STX8: variants seen among roughly 807,000 people sequenced by gnomAD.
STX8 encodes the protein syntaxin 8, also known as syntaxin-8.
In STX8, 23 loss-of-function variants were observed where a neutral mutation model predicts 37.5. The ratio of observed to expected loss-of-function variants is 0.61; its 90% CI spans 0.44 to 0.87. STX8 has a LOEUF of 0.87. Ranked by LOEUF, STX8 falls within the 40% of genes least tolerant of loss-of-function variation. The pLI, the probability that STX8 is intolerant of heterozygous loss-of-function variation, is 0.00. For synonymous variants in STX8, 115 were observed against 99.1 expected (o/e 1.16, Z -0.95); for missense variants, 313 against 284.7 (o/e 1.10, Z -0.71).
intron 6 of STX8, among the ~76,000 whole-genome samples, chr17:9,390,247 C>T (rs892158273): frequency 1.3e-5 from 2 of 152,256 alleles, no homozygotes; most frequent in Middle Eastern, 3.4e-3. Context: ...GGAGTCTGGA[C>T]GCAGTGGCTC....
chr17:9,411,008 T>G (rs1396346119), intron 6 of STX8, among the ~76,000 whole-genome samples: 1 of 152,210 alleles, frequency 6.6e-6, no homozygotes, highest in Non-Finnish European at 1.5e-5. Flanking sequence ...TATTACTTGT[T>G]AGCATTATTT....
rs114904819 is a variant in STX8 at position 9,314,085 on chromosome 17, T to C, written c.644-63440A>G. Among the ~76,000 whole-genome samples the C allele has an allele frequency of 3.6e-3, 541 of 152,334 alleles. 1 individual carries two copies. Among genetic ancestry groups the C allele is most frequent in the African/African-American group, 9.9e-3 (410 of 41,578 alleles). On this transcript the variant is annotated intron_variant, in intron 7 of 7. Transcript: ENST00000306357. ...TTAACTCCCCTACTGAACTAAGCTT[T>C]CTAAGGCAGTGTATATGATCTACTG...
At chr17:9,271,369 G>A (rs967739937) in intron 7 of STX8, among the ~76,000 whole-genome samples, 10 of 152,160 alleles carry the variant, frequency 6.6e-5, no homozygotes, top group African/African-American at 1.2e-4. Flanking sequence ...GATGAGAATC[G>A]CTTGAACCCA....
In STX8 at chr17:9,507,274, T is replaced by C. The variant is rs771416828; in HGVS notation, c.324-2112A>G. On this transcript the variant is annotated intron_variant, in intron 4 of 7. Coordinates refer to ENST00000306357, the MANE Select transcript of STX8 (RefSeq NM_004853.3). This position sits in a 1 kb window ranked among gnomAD's most constrained non-coding sequence, Gnocchi z 4.0. ...CCCTGCAGGCTGCCCCTGGCAGACA[T>C]ACCCCCAGGCCAGCCAAGTAGCCAT... Among the ~76,000 whole-genome samples the C allele has an allele frequency of 6.6e-6, 1 of 151,642 alleles. No homozygotes were observed.
chr17:9,374,018 C>G (rs1472335328), intron 7 of STX8, among the ~76,000 whole-genome samples: 1 of 150,890 alleles, frequency 6.6e-6, no homozygotes, highest in Non-Finnish European at 1.5e-5. Flanking sequence ...TTTTTAATGC[C>G]ACTGAACTGT....
intron 4 of STX8, among the ~76,000 whole-genome samples, chr17:9,529,955 T>C (rs760040898): frequency 6.6e-6 from 1 of 152,034 alleles, no homozygotes; most frequent in Non-Finnish European, 1.5e-5. Flanking sequence ...ATAGCCACTC[T>C]ACTCCAGCCT....
chr17:9,365,594 G>A (rs2142265311), intron 7 of STX8, among the ~76,000 whole-genome samples: 1 of 152,340 alleles, frequency 6.6e-6, no homozygotes, highest in African/African-American at 2.4e-5. Context: ...TACCCATGAA[G>A]TTAAATTAAA....
At position 9,427,828 on chromosome 17, in the gene STX8, T is replaced by C. The variant is rs1223726769; in HGVS notation, c.542-49175A>G. Among the ~76,000 whole-genome samples the C allele has an allele frequency of 2.6e-5, 4 of 152,272 alleles. No individual in the cohort carries two copies. The East Asian group carries it at 7.7e-4, about 29-fold the overall frequency. On this transcript the variant is annotated intron_variant, in intron 6 of 7. Transcript: ENST00000306357. The stretch of plus-strand genomic sequence containing the variant: ...TGGGTGCAGGCACTCATTTTTAATT[T>C]TCTTAAAATAGAGTTGAAAAGCGTG...
At chr17:9,278,998 C>T (rs536656007) in intron 7 of STX8, among the ~76,000 whole-genome samples, 1 of 152,200 alleles carries the variant, frequency 6.6e-6, no homozygotes, top group Non-Finnish European at 1.5e-5. Context: ...CTCTAATCCC[C>T]ATCATCACAC....
chr17:9,357,421 G>A (rs1247130000), intron 7 of STX8, among the ~76,000 whole-genome samples: 1 of 152,100 alleles, frequency 6.6e-6, no homozygotes, highest in African/African-American at 2.4e-5. Flanking sequence ...CAGGCACGGT[G>A]GCTCACGCCT....
intron 4 of STX8, among the ~76,000 whole-genome samples, chr17:9,529,589 G>A (rs1349638303): frequency 6.6e-6 from 1 of 152,070 alleles, no homozygotes; most frequent in African/African-American, 2.4e-5. Flanking sequence ...TTCCCCCAAA[G>A]GGAACCGCTT....
intron 4 of STX8, among the ~76,000 whole-genome samples, chr17:9,526,894 A>G (rs1905595471): frequency 6.6e-6 from 1 of 151,874 alleles, no homozygotes; most frequent in Admixed American, 6.6e-5. Context: ...AAAGTAACGT[A>G]ATGAGGCCAA....
chr17:9,325,927 C>T (rs898007690), intron 7 of STX8, among the ~76,000 whole-genome samples: 3 of 152,162 alleles, frequency 2.0e-5, no homozygotes, highest in Non-Finnish European at 2.9e-5. Context: ...TTGGTGATGG[C>T]AGCAGTGGCA....
At chr17:9,417,927 C>T (rs1210967615) in intron 6 of STX8, among the ~76,000 whole-genome samples, 3 of 152,198 alleles carry the variant, frequency 2.0e-5, no homozygotes, top group African/African-American at 7.2e-5. Context: ...CTGGACCTTG[C>T]CCTAAGTGCC....
rs541672337 is a variant in STX8, at chr17:9,287,575, G to A, written c.644-36930C>T. 8.9e-4 allele frequency among the ~76,000 whole-genome samples: 136 copies of A among 152,200 alleles called. 2 individuals are homozygous for A. The South Asian group carries it at 0.028, about 31-fold the overall frequency. On this transcript the variant is annotated intron_variant, in intron 7 of 7. Transcript: ENST00000306357. ...CAGCCAAGTTTCCACTCATTAGGGG[G>A]GACTACAGGGCTCCTCTCAGCAGTG... is the stretch of plus-strand genomic sequence containing the variant.
At chr17:9,352,970 C>T (rs1001580804) in intron 7 of STX8, among the ~76,000 whole-genome samples, 2 of 151,918 alleles carry the variant, frequency 1.3e-5, no homozygotes, top group Non-Finnish European at 2.9e-5. Context: ...AAGCTCACTG[C>T]AGCCTTTAAC....
intron 6 of STX8, among the ~76,000 whole-genome samples, chr17:9,441,820 C>T (rs989689492): frequency 1.5e-4 from 23 of 151,894 alleles, no homozygotes; most frequent in Non-Finnish European, 3.1e-4. Context: ...GGACTACAGG[C>T]GCCCACCACC....
chr17:9,439,685 G>A (rs1904570882), intron 6 of STX8, among the ~76,000 whole-genome samples: 1 of 151,898 alleles, frequency 6.6e-6, no homozygotes. Flanking sequence ...TAGTAGAGAT[G>A]GGGTTTCACC....
At chr17:9,455,372 C>T (rs561644878) in intron 6 of STX8, among the ~76,000 whole-genome samples, 39 of 151,778 alleles carry the variant, frequency 2.6e-4, no homozygotes, top group East Asian at 7.8e-4. Context: ...TGGTGGCACG[C>T]GCCTGTAATC....
Sources: gnomAD v4.1 joint callset for allele counts (sites outside exome capture counted in the v4.1 genomes callset) on GRCh38, gnomAD v4.1.1 for gene constraint, Gnocchi (gnomAD v3.1) non-coding constraint, MANE v1.5 for transcripts, NCBI Gene and HGNC (gene_info 2026-07-23, HGNC 2026-07-21) for gene names.